Variants in STK32A observed in about 807,000 individuals in gnomAD.
STK32A encodes serine/threonine kinase 32A.
STK32A carries 41 observed loss-of-function variants against 53.2 expected under a neutral mutation model. The ratio of observed to expected loss-of-function variants is 0.77; its 90% CI spans 0.60 to 1.00. The LOEUF (loss-of-function observed/expected upper bound fraction) is 1.00, where lower values mean the gene tolerates loss of function less well. STK32A is among the 50% of genes least tolerant of loss of function. The probability of loss-of-function intolerance (pLI) is 0.00; values close to 1 mark genes in which losing one functional copy is unlikely to be tolerated. For missense variants in STK32A, 458 were observed against 485.8 expected (o/e 0.94, Z 0.54); for synonymous variants, 166 against 162.8 (o/e 1.02, Z -0.15).
chr5:147,286,903 T>G (rs998367650), intron 4 of STK32A, among the ~76,000 whole-genome samples: 1 of 152,168 alleles, frequency 6.6e-6, no homozygotes. Context: ...CCCCATGAAC[T>G]GCACGGGAGG....
At chr5:147,293,248 C>T (rs957435065) in intron 4 of STK32A, among the ~76,000 whole-genome samples, 1 of 151,972 alleles carries the variant, frequency 6.6e-6, no homozygotes, top group Non-Finnish European at 1.5e-5. Flanking sequence ...ACATAACAAT[C>T]GTAATTATTA....
At chr5:147,397,888 A>G in the STK32A span, 4 of 1,530,500 alleles carry the variant, frequency 2.6e-6, no homozygotes, top group Non-Finnish European at 2.6e-6. Flanking sequence ...AAGGGTAGAG[A>G]AAGAGGAACG....
intron 2 of STK32A, among the ~76,000 whole-genome samples, chr5:147,275,695 G>A (rs1007597561): frequency 6.6e-6 from 1 of 152,102 alleles, no homozygotes. Context: ...AGTGACTTCA[G>A]ACAGTACGGC....
intron 7 of STK32A, among the ~76,000 whole-genome samples, chr5:147,355,969 A>G (rs186470919): frequency 2.8e-4 from 42 of 152,256 alleles, no homozygotes; most frequent in African/African-American, 9.6e-4. Flanking sequence ...CTAAATTTTC[A>G]TTTTATAATG....
intron 8 of STK32A, among the ~76,000 whole-genome samples, chr5:147,363,768 C>G (rs1756620890): frequency 6.6e-6 from 1 of 152,202 alleles, no homozygotes; most frequent in Non-Finnish European, 1.5e-5. Flanking sequence ...CTCTTCAGAA[C>G]AGGCTTGCTC....
At chr5:147,370,567 T>G in intron 8 of STK32A, 87 bp from the exon 9 acceptor site, 1 of 793,346 alleles carries the variant, frequency 1.3e-6, no homozygotes, top group Non-Finnish European at 2.1e-6. Context: ...ATTTTATCGG[T>G]TGAAAGTTTA....
At chr5:147,274,830 G>A (rs1387424770) in intron 2 of STK32A, among the ~76,000 whole-genome samples, 1 of 152,068 alleles carries the variant, frequency 6.6e-6, no homozygotes, top group Non-Finnish European at 1.5e-5. Flanking sequence ...GCTATTTATT[G>A]TTGGAACTGA....
intron 4 of STK32A, among the ~76,000 whole-genome samples, chr5:147,308,135 ATT>A (rs1248717075): frequency 8.3e-5 from 5 of 60,298 alleles, no homozygotes; most frequent in Admixed American, 3.1e-4. Flanking sequence ...CAATTCATAC[ATT>A]TTATATATAT....
At chr5:147,393,972 G>T in the STK32A span, 1 of 1,515,888 alleles carries the variant, frequency 6.6e-7, no homozygotes, top group Non-Finnish European at 9.1e-7. Context: ...AAATATCGGT[G>T]TACCATTTTG....
chr5:147,241,207 G>A (rs1335037890), intron 2 of STK32A, among the ~76,000 whole-genome samples: 2 of 152,154 alleles, frequency 1.3e-5, no homozygotes. Context: ...GGCCAGGCGC[G>A]GTGGCTCACG....
chr5:147,289,717 A>G (rs1752513559), intron 4 of STK32A, among the ~76,000 whole-genome samples: 1 of 152,048 alleles, frequency 6.6e-6, no homozygotes, highest in African/African-American at 2.4e-5. Context: ...AACTTGAAAA[A>G]CAGAAAATTA....
chr5:147,380,997 G>A (rs1032964151), intron 11 of STK32A, among the ~76,000 whole-genome samples: 5 of 152,056 alleles, frequency 3.3e-5, no homozygotes, highest in African/African-American at 1.2e-4. Flanking sequence ...TACACGTACC[G>A]AGAGCTTTAT....
chr5:147,369,696 T>G (rs746318105), intron 8 of STK32A, among the ~76,000 whole-genome samples: 2 of 152,188 alleles, frequency 1.3e-5, no homozygotes, highest in Non-Finnish European at 2.9e-5. Flanking sequence ...CCATCAACAG[T>G]CATTTATTAA....
At chr5:147,280,483 T>C (rs1258932436) in intron 4 of STK32A, among the ~76,000 whole-genome samples, 1 of 151,876 alleles carries the variant, frequency 6.6e-6, no homozygotes, top group Non-Finnish European at 1.5e-5. Context: ...CCTTCGGTTT[T>C]CATGGGAGCT....
At chr5:147,375,413 T>C (rs1389551626) in intron 11 of STK32A, 195 bp downstream of exon 11, 1 of 530,844 alleles carries the variant, frequency 1.9e-6, no homozygotes. Flanking sequence ...ATTTTACTTG[T>C]AGGCTTTCCG....
chr5:147,282,472 T>G (rs1752111436), intron 4 of STK32A, among the ~76,000 whole-genome samples: 2 of 152,172 alleles, frequency 1.3e-5, no homozygotes, highest in Non-Finnish European at 2.9e-5. Flanking sequence ...ATGGCCTAAA[T>G]GCTCCACTTA....
intron 4 of STK32A, among the ~76,000 whole-genome samples, chr5:147,309,547 G>C (rs980038309): frequency 5.2e-4 from 79 of 152,276 alleles, no homozygotes; most frequent in African/African-American, 1.9e-3. Flanking sequence ...GTTTAAGCAG[G>C]ATTGGAGTTT....
intron 11 of STK32A, among the ~76,000 whole-genome samples, chr5:147,379,036 A>C (rs577096577): frequency 6.6e-6 from 1 of 150,998 alleles, no homozygotes; most frequent in Non-Finnish European, 1.5e-5. Flanking sequence ...CATTTTTATG[A>C]TATTGATTCT....
intron 11 of STK32A, among the ~76,000 whole-genome samples, chr5:147,377,327 TC>T (rs1364340853): frequency 5.3e-5 from 8 of 152,138 alleles, no homozygotes; most frequent in African/African-American, 1.9e-4. Context: ...TTTTGTGGTT[TC>T]CTTCCATGGT....
Sources: allele counts gnomAD v4.1 joint callset (sites outside exome capture counted in the v4.1 genomes callset), GRCh38; gene constraint gnomAD v4.1.1; transcripts MANE v1.5; gene names NCBI Gene and HGNC (gene_info 2026-07-23, HGNC 2026-07-21).